Variants in SAP30BP observed in about 807,000 individuals in gnomAD.
SAP30BP encodes the protein SAP30 binding protein.
Under a neutral mutation model 46.3 loss-of-function variants are expected in SAP30BP, and 31 were observed. The observed-to-expected ratio is 0.67, with a 90% CI of 0.50 to 0.90. The LOEUF is 0.90. Ranked by LOEUF, SAP30BP falls within the 40% of genes least tolerant of loss-of-function variation. The pLI, the probability that SAP30BP is intolerant of heterozygous loss-of-function variation, is 0.00. For synonymous variants in SAP30BP, 169 were observed against 144.2 expected (o/e 1.17, Z -1.23); for missense variants, 312 against 391.0 (o/e 0.80, Z 1.70).
intron 3 of SAP30BP, among the ~76,000 whole-genome samples, chr17:75,675,942 A>G (rs372291715): frequency 1.2e-4 from 19 of 152,314 alleles, no homozygotes; most frequent in African/African-American, 4.6e-4. Flanking sequence ...TTACATATTA[A>G]CATAAATAAC....
In SAP30BP at chr17:75,667,402, T is replaced by C. The variant is rs528872253; in HGVS notation, c.30T>C (p.Ser10=). 2.4e-5 allele frequency: 39 copies of C among 1,614,194 alleles called. No individual in the cohort carries two copies. In the South Asian group the frequency reaches 3.3e-4, roughly 14 times the overall value. MAGKKNVLS[S]LAVYAEDSEP... The stretch of plus-strand genomic sequence containing the variant: ...CGGGGAAGAAGAATGTTCTGTCGTC[T>C]CTCGCAGTTTACGCGGAAGATTCAG... Residue 10 remains serine, a synonymous_variant, in exon 1 of 11, where the codon TCT becomes TCC. Transcript: ENST00000584667.
chr17:75,676,326 G>A (rs981732661), intron 3 of SAP30BP, among the ~76,000 whole-genome samples: 2 of 152,262 alleles, frequency 1.3e-5, no homozygotes, highest in Admixed American at 6.5e-5. Context: ...TCTAAATGTT[G>A]ACACATTTTG....
chr17:75,683,594 A>G (rs1230746185), intron 3 of SAP30BP: 1 of 152,166 alleles, frequency 6.6e-6, no homozygotes, highest in African/African-American at 2.4e-5. Context: ...TTTCCCTCTA[A>G]TGAAGTTCTC....
intron 5 of SAP30BP, among the ~76,000 whole-genome samples, chr17:75,700,659 G>C (rs1418956337): frequency 6.6e-6 from 1 of 152,180 alleles, no homozygotes; most frequent in East Asian, 1.9e-4. Context: ...AGCAGGACTG[G>C]GGGTGCAGCA....
intron 3 of SAP30BP, 150 bp downstream of exon 3, chr17:75,672,013 AAG>A (rs538643702): frequency 1.4e-6 from 1 of 701,624 alleles, no homozygotes; most frequent in Non-Finnish European, 2.6e-6. Context: ...TTTATAAAGA[AAG>A]AACCTGGAGA....
intron 4 of SAP30BP, among the ~76,000 whole-genome samples, chr17:75,694,486 A>T (rs1176954846): frequency 6.6e-6 from 1 of 152,248 alleles, no homozygotes; most frequent in Non-Finnish European, 1.5e-5. Flanking sequence ...ATGGAGTTTC[A>T]GTCTTTCAAA....
Position 75,667,339 on chromosome 17 carries a change from T to A in SAP30BP, c.-34T>A. 6.2e-7 allele frequency: 1 copy of A among 1,607,858 alleles called. No individual in the cohort carries two copies. Among genetic ancestry groups the A allele is most frequent in the Non-Finnish European group, 8.5e-7 (1 of 1,174,726 alleles). On this transcript the variant is annotated 5_prime_UTR_variant, in exon 1 of 11. Coordinates refer to ENST00000584667, the MANE Select transcript of SAP30BP (RefSeq NM_013260.8). ...GCCCGGAAGTCGGCGTCTTGAGTCA[T>A]AGGAGTGAGCCACGCCCGGGCTGTG...
chr17:75,703,602 T>C, intron 7 of SAP30BP: 1 of 638,550 alleles, frequency 1.6e-6, no homozygotes, highest in South Asian at 1.9e-5. Flanking sequence ...TGTGTGGACC[T>C]GCTGCTCCTG....
chr17:75,667,445 G>A lies in SAP30BP; in HGVS notation c.73G>A (p.Glu25Lys), dbSNP rs1362471151. ...AGATTCAGAGCCCGAGTCTGATGGC[G>A]AGGCTGGAATCGAGGCGGTGGGCAG... Reference protein sequence around the residue: ...AEDSEPESDGEAGIEAVGSAA... With the variant: ...AEDSEPESDGKAGIEAVGSAA... Residue 25 changes from glutamate (E) to lysine (K), a missense_variant, in exon 1 of 11, where the codon GAG (glutamate) becomes AAG (lysine). By Grantham distance (56) the Glu-to-Lys change is moderately conservative (BLOSUM62 1). Coordinates refer to ENST00000584667, the MANE Select transcript of SAP30BP (RefSeq NM_013260.8). The A allele has an allele frequency of 6.2e-7, 1 of 1,614,216 alleles. No homozygotes were observed. Among genetic ancestry groups the A allele is most frequent in the South Asian group, 1.1e-5 (1 of 91,078 alleles).
At chr17:75,696,766 C>CT (rs34464076) in intron 4 of SAP30BP, among the ~76,000 whole-genome samples, 33,901 of 100,520 alleles carry the variant, frequency 0.34, 5,811 homozygotes, top group East Asian at 0.53. Context: ...CTCCCCTCCT[C>CT]TTTTTTTTTT....
intron 4 of SAP30BP, among the ~76,000 whole-genome samples, chr17:75,697,090 T>C (rs2060333562): frequency 6.6e-6 from 1 of 152,152 alleles, no homozygotes; most frequent in African/African-American, 2.4e-5. Flanking sequence ...CCTCTTACAC[T>C]GTACACCATG....
At chr17:75,698,131 C>T (rs2060350224) in intron 4 of SAP30BP, among the ~76,000 whole-genome samples, 1 of 152,238 alleles carries the variant, frequency 6.6e-6, no homozygotes, top group Admixed American at 6.5e-5. Flanking sequence ...CGATCCAAAG[C>T]AGGACTGCAG....
At chr17:75,695,496 G>A (rs2060303768) in intron 4 of SAP30BP, among the ~76,000 whole-genome samples, 1 of 152,186 alleles carries the variant, frequency 6.6e-6, no homozygotes, top group South Asian at 2.1e-4. Flanking sequence ...ATACACCACA[G>A]TTTGTTTACT....
intron 3 of SAP30BP, among the ~76,000 whole-genome samples, chr17:75,678,458 T>C (rs2060024962): frequency 1.0e-5 from 1 of 97,064 alleles, no homozygotes; most frequent in African/African-American, 3.5e-5. Flanking sequence ...ACAGACACAA[T>C]TTAAAACACA....
At chr17:75,699,319 C>G (rs545740988) in intron 4 of SAP30BP, among the ~76,000 whole-genome samples, 1 of 152,224 alleles carries the variant, frequency 6.6e-6, no homozygotes, top group East Asian at 1.9e-4. Context: ...TCTAGTTCCT[C>G]AATAGCTGGG....
intron 3 of SAP30BP, among the ~76,000 whole-genome samples, chr17:75,686,313 C>T (rs1370648212): frequency 1.3e-5 from 2 of 152,004 alleles, no homozygotes; most frequent in African/African-American, 4.8e-5. Context: ...GTCAGGAGAT[C>T]GAGACCATCC....
At chr17:75,687,460 T>G (rs941907714) in intron 3 of SAP30BP, among the ~76,000 whole-genome samples, 4 of 151,344 alleles carry the variant, frequency 2.6e-5, no homozygotes, top group Non-Finnish European at 2.9e-5. Flanking sequence ...TACAAAAAAT[T>G]TAAAAATTAG....
chr17:75,668,644 T>C lies in SAP30BP; in HGVS notation c.216+19T>C. The C allele has an allele frequency of 6.7e-7, 1 of 1,481,760 alleles. No homozygotes were observed. Among genetic ancestry groups the C allele is most frequent in the Non-Finnish European group, 9.4e-7 (1 of 1,068,830 alleles). The allele number at this position is 1,481,760 out of a possible 1,614,324, so 91.8% of individuals were successfully genotyped here. ...ACAGTCGGTAGGTAAATCTCCCAGATCCAGAGCTACTGAAAGCACAATTTC... is the reference window on the plus strand; with the variant it reads ...ACAGTCGGTAGGTAAATCTCCCAGACCCAGAGCTACTGAAAGCACAATTTC... On this transcript the variant is annotated intron_variant, in intron 2 of 10. Transcript: ENST00000584667.
chr17:75,674,474 T>C (rs2059953567), intron 3 of SAP30BP, among the ~76,000 whole-genome samples: 1 of 151,430 alleles, frequency 6.6e-6, no homozygotes, highest in African/African-American at 2.4e-5. Flanking sequence ...TTTTGTATTT[T>C]TAATAGAGAC....
Sources: allele counts gnomAD v4.1 joint callset (sites outside exome capture counted in the v4.1 genomes callset), GRCh38; gene constraint gnomAD v4.1.1; transcripts MANE v1.5; gene names NCBI Gene and HGNC (gene_info 2026-07-23, HGNC 2026-07-21).